OPCML: variants seen among roughly 807,000 people sequenced by gnomAD.
The protein encoded by OPCML is opioid binding protein/cell adhesion molecule like.
OPCML carries 13 observed loss-of-function variants against 37.8 expected under a neutral mutation model. The observed-to-expected ratio is 0.34, with a 90% CI of 0.22 to 0.55. The LOEUF is 0.55. OPCML is among the 20% of genes least tolerant of loss of function. The probability of loss-of-function intolerance (pLI) is 0.91; values close to 1 mark genes in which losing one functional copy is unlikely to be tolerated. For synonymous variants in OPCML, 176 were observed against 168.8 expected (o/e 1.04, Z -0.33); for missense variants, 341 against 435.6 (o/e 0.78, Z 1.93).
At chr11:132,723,509 C>T (rs67974132) in intron 2 of OPCML, among the ~76,000 whole-genome samples, 9,812 of 152,132 alleles carry the variant, frequency 0.064, 404 homozygotes, top group Non-Finnish European at 0.084. Context: ...GAAAAATAAA[C>T]GCTTAGTGAA....
intron 4 of OPCML, among the ~76,000 whole-genome samples, chr11:132,498,321 G>A (rs1470699859): frequency 6.6e-6 from 1 of 152,158 alleles, no homozygotes; most frequent in African/African-American, 2.4e-5. Flanking sequence ...TTGGTCATCT[G>A]TTTTTTCTTG....
intron 2 of OPCML, among the ~76,000 whole-genome samples, chr11:132,942,495 T>C (rs555768443): frequency 1.4e-4 from 21 of 152,202 alleles, no homozygotes; most frequent in African/African-American, 5.1e-4. Context: ...ACATTTGAGG[T>C]GCATCTCTGA....
rs1230774416 is a variant in OPCML at position 132,418,987 on chromosome 11, C to CATTA, written c.*1202_*1205dup. ...CTTCTGGGAATAGTGAGTGACTGATCATTAGCTTGCTACTTTGGCCTATCT... is the reference window on the plus strand; with the variant it reads ...CTTCTGGGAATAGTGAGTGACTGATCATTAATTAGCTTGCTACTTTGGCCTATCT... On this transcript the variant is annotated 3_prime_UTR_variant, in exon 8 of 8. Coordinates refer to ENST00000524381, the MANE Select transcript of OPCML (RefSeq NM_001012393.5). The CATTA allele has an allele frequency of 6.6e-6, 1 of 152,670 alleles. No homozygotes were observed. Among genetic ancestry groups the CATTA allele is most frequent in the Non-Finnish European group, 1.5e-5 (1 of 68,048 alleles). The allele number at this position is 152,670 out of a possible 1,614,324, so 9.5% of individuals were successfully genotyped here. A position where few individuals can be genotyped will look rare whatever the true frequency, so the allele number is the denominator to read the frequency against.
chr11:133,259,521 G>A (rs1395235777), intron 1 of OPCML, among the ~76,000 whole-genome samples: 3 of 152,140 alleles, frequency 2.0e-5, no homozygotes, highest in African/African-American at 7.2e-5. Context: ...AGTCAGTCCT[G>A]TCCTTGAAAT....
chr11:132,895,695 G>GT (rs547484958), intron 2 of OPCML, among the ~76,000 whole-genome samples: 44 of 152,208 alleles, frequency 2.9e-4, no homozygotes, highest in African/African-American at 9.1e-4. Context: ...ATAGTATAGG[G>GT]TTTTCCATCT....
chr11:132,861,579 G>A (rs1327193413), intron 2 of OPCML, among the ~76,000 whole-genome samples: 1 of 152,198 alleles, frequency 6.6e-6, no homozygotes, highest in African/African-American at 2.4e-5. Context: ...GCTCACGCCT[G>A]TAATCCCAGC....
At chr11:133,026,007 T>G in intron 1 of OPCML, 1 of 964,504 alleles carries the variant, frequency 1.0e-6, no homozygotes, top group Middle Eastern at 5.3e-4. Flanking sequence ...GGTGCTGGGA[T>G]TACAGACATG....
intron 2 of OPCML, among the ~76,000 whole-genome samples, chr11:132,852,888 A>T (rs763445147): frequency 6.6e-6 from 1 of 151,822 alleles, no homozygotes; most frequent in African/African-American, 2.4e-5. Context: ...TTATTGAAAA[A>T]ATTTTAAAAG....
intron 2 of OPCML, among the ~76,000 whole-genome samples, chr11:132,936,487 T>C (rs993049331): frequency 6.6e-6 from 1 of 152,154 alleles, no homozygotes; most frequent in African/African-American, 2.4e-5. Flanking sequence ...GTAAACCATG[T>C]ACAATAGGAG....
chr11:133,422,264 TGTC>T, intron 1 of OPCML: 1 of 984,858 alleles, frequency 1.0e-6, no homozygotes, highest in East Asian at 1.1e-4. Flanking sequence ...TTGACAAGTG[TGTC>T]GTGGGACTCA....
chr11:132,512,038 A>G (rs10894571), intron 4 of OPCML, among the ~76,000 whole-genome samples: 31,773 of 152,070 alleles, frequency 0.21, 3,425 homozygotes, highest in Non-Finnish European at 0.23. Context: ...AAACAGCCCA[A>G]TTAGAAACAG....
In OPCML at chr11:132,611,959, C is replaced by T. The variant is rs146535803; in HGVS notation, c.379+45128G>A. On this transcript the variant is annotated intron_variant, in intron 3 of 7. Transcript: ENST00000524381. The stretch of plus-strand genomic sequence containing the variant: ...ACAGTAGCGACCGGAGGAGACGTTC[C>T]ACAGGAAAAACAGCCTGCCACAGCC... Among the ~76,000 whole-genome samples the T allele has an allele frequency of 9.6e-3, 1,455 of 152,238 alleles. 17 individuals are homozygous for T. Among genetic ancestry groups the T allele is most frequent in the Middle Eastern group, 0.014 (4 of 294 alleles).
chr11:133,418,116 T>C (rs149524410), intron 1 of OPCML: 1 of 985,370 alleles, frequency 1.0e-6, no homozygotes, highest in Non-Finnish European at 1.2e-6. Context: ...GGTAAGAATA[T>C]GGCGTGAAGT....
intron 2 of OPCML, among the ~76,000 whole-genome samples, chr11:132,715,394 T>A (rs1053570327): frequency 1.3e-5 from 2 of 152,186 alleles, no homozygotes; most frequent in African/African-American, 4.8e-5. Context: ...ACTCTGAAAC[T>A]GGGGAAATTT....
At chr11:132,933,184 A>G (rs1338346991) in intron 2 of OPCML, among the ~76,000 whole-genome samples, 1 of 152,056 alleles carries the variant, frequency 6.6e-6, no homozygotes, top group African/African-American at 2.4e-5. Context: ...GCATTTTAGG[A>G]CCCAAGGAGA....
At chr11:132,736,115 G>A (rs569197476) in intron 2 of OPCML, among the ~76,000 whole-genome samples, 1 of 152,154 alleles carries the variant, frequency 6.6e-6, no homozygotes, top group African/African-American at 2.4e-5. Context: ...CCTCTTTTTT[G>A]AATGGTACAA....
intron 2 of OPCML, among the ~76,000 whole-genome samples, chr11:132,748,499 A>G (rs1945720766): frequency 6.6e-6 from 1 of 152,208 alleles, no homozygotes; most frequent in South Asian, 2.1e-4. Flanking sequence ...GTTGTTCTCA[A>G]GAAAAGTAAC....
chr11:132,418,311 G>T lies in OPCML; in HGVS notation c.*1882C>A, dbSNP rs1272609529. 6.6e-6 allele frequency: 1 copy of T among 152,212 alleles called. No individual in the cohort carries two copies. The highest frequency in any genetic ancestry group is 2.4e-5 in the African/African-American group (1 of 41,466). The allele number at this position is 152,212 out of a possible 1,614,324, so 9.4% of individuals were successfully genotyped here. On this transcript the variant is annotated 3_prime_UTR_variant, in exon 8 of 8. Transcript: ENST00000524381. ...GTGGATCAGTCCCTGCAGCACACCT[G>T]TGCGGTCTGCAATGCCTTTATTTTG...
At chr11:133,368,303 G>A (rs970717463) in intron 1 of OPCML, among the ~76,000 whole-genome samples, 10 of 151,888 alleles carry the variant, frequency 6.6e-5, no homozygotes, top group Admixed American at 4.6e-4. Flanking sequence ...AGGGAAGGCA[G>A]ATGAAGAGAA....
Sources: allele counts gnomAD v4.1 joint callset (sites outside exome capture counted in the v4.1 genomes callset), GRCh38; gene constraint gnomAD v4.1.1; transcripts MANE v1.5; gene names NCBI Gene and HGNC (gene_info 2026-07-23, HGNC 2026-07-21).